Variants in SUSD1 observed in about 807,000 individuals in gnomAD.
SUSD1 encodes sushi domain-containing protein 1.
Under a neutral mutation model 86.9 loss-of-function variants are expected in SUSD1, and 65 were observed. That is an observed-to-expected ratio of 0.75 (90% CI 0.61 to 0.92). The LOEUF is 0.92. Among genes scored for constraint, SUSD1 ranks in the 40% least tolerant of loss-of-function variants. The pLI, the probability that SUSD1 is intolerant of heterozygous loss-of-function variation, is 0.00. For missense variants in SUSD1, 850 were observed against 929.7 expected, an observed-to-expected ratio of 0.91 and a Z score of 1.11; for synonymous variants, 346 against 350.0, an observed-to-expected ratio of 0.99 and a Z score of 0.13.
intron 16 of SUSD1, 109 bp from the exon 17 acceptor site, chr9:112,041,601 G>A (rs1362058351): frequency 1.5e-5 from 11 of 754,060 alleles, no homozygotes; most frequent in Non-Finnish European, 2.5e-6. Flanking sequence ...GGAGGCGAGG[G>A]GGAGCAGCAT....
intron 15 of SUSD1, among the ~76,000 whole-genome samples, chr9:112,046,991 G>C (rs1459560284): frequency 6.6e-6 from 1 of 152,148 alleles, no homozygotes; most frequent in African/African-American, 2.4e-5. Flanking sequence ...GTAAGTTCAG[G>C]CACATTGTGG....
chr9:112,095,482 T>A (rs1830358298), intron 10 of SUSD1, among the ~76,000 whole-genome samples: 1 of 152,162 alleles, frequency 6.6e-6, no homozygotes, highest in Admixed American at 6.5e-5. Context: ...TCTTGGAAAT[T>A]CAATTCCAAG....
chr9:112,089,485 G>A (rs1020448703), intron 10 of SUSD1, among the ~76,000 whole-genome samples: 2 of 152,118 alleles, frequency 1.3e-5, no homozygotes, highest in African/African-American at 4.8e-5. Flanking sequence ...AACCACCTTT[G>A]TAAAGCAAAA....
Position 112,107,269 on chromosome 9 carries a change from A to AG in SUSD1, c.1171+4384_1171+4385insC, listed in dbSNP as rs56694496. 6.1e-3 allele frequency among the ~76,000 whole-genome samples: 920 copies of AG among 150,468 alleles called. 20 individuals are homozygous for AG. Among genetic ancestry groups the AG allele is most frequent in the African/African-American group, 0.022 (885 of 40,842 alleles). On this transcript the variant is annotated intron_variant, in intron 8 of 16. Coordinates refer to ENST00000374270, the MANE Select transcript of SUSD1 (RefSeq NM_022486.5). ...GACCATATCTCAAAAAAAAAAAAAA[A>AG]AAAAGAAAAGAAAGAAAAAAAAGAA...
intron 8 of SUSD1, among the ~76,000 whole-genome samples, chr9:112,107,310 G>C (rs959295175): frequency 6.7e-6 from 1 of 148,692 alleles, no homozygotes; most frequent in Non-Finnish European, 1.5e-5. Context: ...GAGGCCAGAC[G>C]TGGTGGCTCA....
chr9:112,152,407 T>C lies in SUSD1; in HGVS notation c.218-3008A>G, dbSNP rs1833091669. Among the ~76,000 whole-genome samples the C allele has an allele frequency of 4.6e-5, 7 of 151,994 alleles. 1 individual carries two copies. The South Asian group carries it at 1.5e-3, about 32-fold the overall frequency. ...ATTCTATATGGTTTTTTTTGTTTTT[T>C]GTTTTTTTTCTGGAGACAGGGTCTT... On this transcript the variant is annotated intron_variant, in intron 2 of 16. Coordinates refer to ENST00000374270, the MANE Select transcript of SUSD1 (RefSeq NM_022486.5).
At position 112,138,240 on chromosome 9, in the gene SUSD1, T is replaced by TATATATATATATATATATGTATATACAC. The variant is rs377558757; in HGVS notation, c.706+4079_706+4080insGTGTATATACATATATATATATATATAT. On this transcript the variant is annotated intron_variant, in intron 5 of 16. Transcript: ENST00000374270. ...CTCCATCTCAAAAAAAAAATGTGTA[T>TATATATATATATATATATGTATATACAC]ATATATATATATATATGTGTATATA... 1.7e-3 allele frequency among the ~76,000 whole-genome samples: 42 copies of TATATATATATATATATATGTATATACAC among 25,038 alleles called. 7 individuals carry two copies. The highest frequency in any genetic ancestry group is 5.7e-3 in the African/African-American group (38 of 6,670). The allele number at this position is 25,038 out of a possible 152,430, so 16.4% of individuals were successfully genotyped here. A position where few individuals can be genotyped will look rare whatever the true frequency, so the allele number is the denominator to read the frequency against.
chr9:112,152,351 C>G (rs114263029), intron 2 of SUSD1, among the ~76,000 whole-genome samples: 2 of 151,688 alleles, frequency 1.3e-5, no homozygotes, highest in African/African-American at 4.8e-5. Flanking sequence ...TACAGCTGTA[C>G]GAAGAATTTT....
At chr9:112,125,150 G>GA (rs1019945464) in intron 5 of SUSD1, among the ~76,000 whole-genome samples, 34 of 152,000 alleles carry the variant, frequency 2.2e-4, no homozygotes, top group African/African-American at 8.2e-4. Context: ...AAAAAAAATC[G>GA]AAAAAATGAA....
intron 1 of SUSD1, among the ~76,000 whole-genome samples, chr9:112,165,170 C>T (rs1413001118): frequency 1.3e-5 from 2 of 152,080 alleles, no homozygotes; most frequent in African/African-American, 2.4e-5. Context: ...TTAACTTTAA[C>T]TTTTGTGAGT....
intron 6 of SUSD1, among the ~76,000 whole-genome samples, chr9:112,118,433 G>A (rs1417461984): frequency 1.3e-5 from 2 of 152,168 alleles, no homozygotes; most frequent in Non-Finnish European, 2.9e-5. Context: ...CTTAGAGTAC[G>A]TTAGTGTAAA....
intron 1 of SUSD1, among the ~76,000 whole-genome samples, chr9:112,164,985 G>C (rs1833718496): frequency 6.6e-6 from 1 of 152,108 alleles, no homozygotes; most frequent in Admixed American, 6.6e-5. Flanking sequence ...AAAAATACCT[G>C]GGGATCTTAA....
rs544654424 is a variant in SUSD1 at position 112,059,410 on chromosome 9, C to T, written c.1851-724G>A. Among the ~76,000 whole-genome samples, 8 of 152,310 alleles carry T rather than the reference C, an allele frequency of 5.3e-5. No homozygotes were observed. In the East Asian group the frequency reaches 1.5e-3, roughly 29 times the overall value. On this transcript the variant is annotated intron_variant, in intron 13 of 16. Coordinates refer to ENST00000374270, the MANE Select transcript of SUSD1 (RefSeq NM_022486.5). ...GAAAGGGTTAGCAGTCACATGGAGACCGAGTGCCTACCACAGTGAATGTAC... is the reference window on the plus strand; with the variant it reads ...GAAAGGGTTAGCAGTCACATGGAGATCGAGTGCCTACCACAGTGAATGTAC...
At chr9:112,151,884 A>T (rs1833063094) in intron 2 of SUSD1, among the ~76,000 whole-genome samples, 1 of 149,136 alleles carries the variant, frequency 6.7e-6, no homozygotes, top group Admixed American at 6.7e-5. Context: ...AAAATACAAA[A>T]TTAGCCGGGC....
At chr9:112,056,949 C>T (rs1828477410) in intron 14 of SUSD1, among the ~76,000 whole-genome samples, 1 of 152,164 alleles carries the variant, frequency 6.6e-6, no homozygotes, top group Non-Finnish European at 1.5e-5. Context: ...TGTCTATGCC[C>T]CTTGCTCACC....
intron 1 of SUSD1, among the ~76,000 whole-genome samples, chr9:112,170,553 C>G (rs1453139617): frequency 6.6e-6 from 1 of 152,110 alleles, no homozygotes; most frequent in Non-Finnish European, 1.5e-5. Context: ...GCGAAACACA[C>G]TTTCCTTACA....
chr9:112,061,319 G>A (rs1828715634), intron 13 of SUSD1, among the ~76,000 whole-genome samples: 1 of 152,138 alleles, frequency 6.6e-6, no homozygotes, highest in Admixed American at 6.6e-5. Context: ...CAGGTAGTCA[G>A]GCTTAGGAAA....
intron 1 of SUSD1, 61 bp from the exon 2 acceptor site, chr9:112,157,674 G>A: frequency 7.1e-7 from 1 of 1,413,284 alleles, no homozygotes; most frequent in Non-Finnish European, 9.9e-7. Context: ...CATGTAGTTA[G>A]TGGACATTTA....
At position 112,168,937 on chromosome 9, in the gene SUSD1, C is replaced by T. The variant is rs558825541; in HGVS notation, c.103+6196G>A. On this transcript the variant is annotated intron_variant, in intron 1 of 16. Transcript: ENST00000374270. ...ATTCTGTCTGTCAAATTTGGAAAGACAGATCAAACAACGGGAGGAAATAAG... is the reference window on the plus strand; with the variant it reads ...ATTCTGTCTGTCAAATTTGGAAAGATAGATCAAACAACGGGAGGAAATAAG... Among the ~76,000 whole-genome samples, 32 of 152,270 alleles carry T rather than the reference C, an allele frequency of 2.1e-4. No individual in the cohort carries two copies. The South Asian group carries it at 6.2e-3, about 30-fold the overall frequency.
Sources: gnomAD v4.1 joint callset for allele counts (sites outside exome capture counted in the v4.1 genomes callset) on GRCh38, gnomAD v4.1.1 for gene constraint, MANE v1.5 for transcripts, NCBI Gene and HGNC (gene_info 2026-07-23, HGNC 2026-07-21) for gene names.